The following TEX14 variants were observed in gnomAD, a reference collection of about 807,000 sequenced individuals.
TEX14 encodes the protein testis expressed 14, intercellular bridge forming factor.
TEX14 carries 168 observed loss-of-function variants against 178.6 expected under a neutral mutation model. The ratio of observed to expected loss-of-function variants is 0.94; its 90% CI spans 0.83 to 1.07. TEX14 has a LOEUF of 1.07. Among genes scored for constraint, TEX14 ranks in the 50% least tolerant of loss-of-function variants. The pLI, the probability that TEX14 is intolerant of heterozygous loss-of-function variation, is 0.00. For missense variants in TEX14, 1,730 were observed against 1,753.6 expected (o/e 0.99, Z 0.24); for synonymous variants, 626 against 634.1 (o/e 0.99, Z 0.19).
chr17:58,691,666 C>CAAA (rs34546660), intron 1 of TEX14, among the ~76,000 whole-genome samples: 1,954 of 106,832 alleles, frequency 0.018, 80 homozygotes, highest in African/African-American at 0.035. Context: ...GACTCTGTCT[C>CAAA]AAAAAAAAAA....
At chr17:58,570,758 T>C (rs1319714608) in intron 24 of TEX14, among the ~76,000 whole-genome samples, 4 of 151,232 alleles carry the variant, frequency 2.6e-5, no homozygotes, top group Non-Finnish European at 4.4e-5. Context: ...CCCAAGTAGC[T>C]GGGATTACAG....
At chr17:58,655,034 T>C (rs1469463297) in intron 1 of TEX14, among the ~76,000 whole-genome samples, 2 of 149,356 alleles carry the variant, frequency 1.3e-5, no homozygotes, top group African/African-American at 2.5e-5. Context: ...CTCCCTTCTT[T>C]TTTTTTTTTT....
chr17:58,610,755 G>C (rs377293973), intron 10 of TEX14, among the ~76,000 whole-genome samples: 15 of 152,070 alleles, frequency 9.9e-5, no homozygotes, highest in African/African-American at 3.6e-4. Context: ...GCGTGGTGGT[G>C]AGCACCTGTA....
intron 1 of TEX14, among the ~76,000 whole-genome samples, chr17:58,653,099 G>T (rs1020145178): frequency 6.6e-6 from 1 of 152,086 alleles, no homozygotes; most frequent in African/African-American, 2.4e-5. Flanking sequence ...ACCATGCCCA[G>T]CTAATTTTTT....
intron 2 of TEX14, among the ~76,000 whole-genome samples, chr17:58,641,480 CTCTTT>C (rs1439642621): frequency 1.8e-5 from 2 of 110,394 alleles, no homozygotes; most frequent in Non-Finnish European, 3.6e-5. Flanking sequence ...TTCTTTCTTT[CTCTTT>C]TATTTATTAT....
intron 17 of TEX14, among the ~76,000 whole-genome samples, chr17:58,586,359 C>T (rs1384701050): frequency 6.6e-6 from 1 of 152,022 alleles, no homozygotes; most frequent in Non-Finnish European, 1.5e-5. Flanking sequence ...ACAGATAGAC[C>T]CTCTTCCTGT....
At chr17:58,627,685 G>T (rs1292570393) in intron 3 of TEX14, among the ~76,000 whole-genome samples, 2 of 149,440 alleles carry the variant, frequency 1.3e-5, no homozygotes, top group African/African-American at 4.9e-5. Flanking sequence ...CAGGAGAATC[G>T]CTTGCACCTG....
intron 2 of TEX14, chr17:58,648,125 G>T (rs2046756066): frequency 6.6e-6 from 1 of 152,224 alleles, no homozygotes; most frequent in South Asian, 2.1e-4. Flanking sequence ...GAGGCAAGGG[G>T]GAGAACCAAT....
chr17:58,572,022 G>A lies in TEX14; in HGVS notation c.3616C>T (p.Gln1206Ter), dbSNP rs1401256218. The A allele has an allele frequency of 4.3e-6, 7 of 1,613,934 alleles. No individual in the cohort carries two copies. Among genetic ancestry groups the A allele is most frequent in the Non-Finnish European group, 5.9e-6 (7 of 1,179,968 alleles). The change falls in exon 24 of 32, where the codon CAA becomes TAA. Residue 1206 changes from glutamine to a stop codon, truncating the protein, a stop_gained. Transcript: ENST00000349033. LOFTEE classifies it high-confidence loss of function. Reference sequence around the variant, plus strand: ...CTTATAAAGTCATCAGACAAAGTTTGAATAAATTCTTGACTGTTCCAGCAA... The same window carrying A: ...CTTATAAAGTCATCAGACAAAGTTTAAATAAATTCTTGACTGTTCCAGCAA... ...ASCWNSQEFIQTLSDDFISVR... is the reference protein window; with the variant it reads ...ASCWNSQEFI
intron 11 of TEX14, among the ~76,000 whole-genome samples, chr17:58,603,583 G>A (rs1194041873): frequency 2.1e-5 from 3 of 141,994 alleles, no homozygotes; most frequent in Non-Finnish European, 3.0e-5. Context: ...AGCCTTGCAC[G>A]TTGGCTCACG....
At chr17:58,617,439 T>A in intron 6 of TEX14, 99 bp downstream of exon 6, 1 of 795,784 alleles carries the variant, frequency 1.3e-6, no homozygotes, top group Non-Finnish European at 2.1e-6. Flanking sequence ...AACACTTTGG[T>A]GAGGATAAGG....
chr17:58,592,868 A>G (rs1290017765), intron 15 of TEX14, among the ~76,000 whole-genome samples: 3 of 152,122 alleles, frequency 2.0e-5, no homozygotes, highest in Non-Finnish European at 2.9e-5. Context: ...AAAACTCAGC[A>G]TGTGTGTGTG....
chr17:58,674,994 A>C (rs1382387623), intron 1 of TEX14, among the ~76,000 whole-genome samples: 1 of 151,734 alleles, frequency 6.6e-6, no homozygotes, highest in African/African-American at 2.4e-5. Flanking sequence ...AAAAACACAA[A>C]AATTAGCTGG....
At chr17:58,678,131 C>CA (rs2047425589) in intron 1 of TEX14, among the ~76,000 whole-genome samples, 2 of 152,134 alleles carry the variant, frequency 1.3e-5, no homozygotes, top group South Asian at 4.2e-4. Context: ...GCCTGGGCGA[C>CA]AGAGCGAGAC....
At chr17:58,622,513 A>G (rs1422036423) in intron 4 of TEX14, among the ~76,000 whole-genome samples, 1 of 152,132 alleles carries the variant, frequency 6.6e-6, no homozygotes, top group Non-Finnish European at 1.5e-5. Context: ...CCACCTGTAC[A>G]ATAAGGACAT....
chr17:58,658,149 C>G (rs141961184), intron 1 of TEX14, among the ~76,000 whole-genome samples: 94 of 152,172 alleles, frequency 6.2e-4, no homozygotes, highest in African/African-American at 2.2e-3. Flanking sequence ...CTCAGTTCCT[C>G]GAATGCTCCA....
At chr17:58,567,366 TC>T (rs1247266311) in intron 26 of TEX14, among the ~76,000 whole-genome samples, 3 of 152,098 alleles carry the variant, frequency 2.0e-5, no homozygotes, top group Non-Finnish European at 4.4e-5. Flanking sequence ...TCTTCTCCCT[TC>T]CTGCAGTGCA....
chr17:58,683,052 C>CAAAAAAAAAAAAAAAAAA (rs1194798521), intron 1 of TEX14, among the ~76,000 whole-genome samples: 1 of 54,044 alleles, frequency 1.9e-5, no homozygotes, highest in African/African-American at 6.8e-5. Flanking sequence ...GAGTCTGTCT[C>CAAAAAAAAAAAAAAAAAA]AAAAAAAAAA....
At chr17:58,615,939 T>G (rs1004976055) in intron 7 of TEX14, among the ~76,000 whole-genome samples, 1 of 152,198 alleles carries the variant, frequency 6.6e-6, no homozygotes, top group African/African-American at 2.4e-5. Context: ...CTGGCACTAG[T>G]GGGTAGAGAC....
Sources: allele counts gnomAD v4.1 joint callset (sites outside exome capture counted in the v4.1 genomes callset), GRCh38; gene constraint gnomAD v4.1.1; transcripts MANE v1.5; gene names NCBI Gene and HGNC (gene_info 2026-07-23, HGNC 2026-07-21).